UGT2B4: variants seen among roughly 807,000 people sequenced by gnomAD.
The protein encoded by UGT2B4 is UDP glucuronosyltransferase family 2 member B4.
A neutral mutation model predicts 49.8 loss-of-function variants in UGT2B4; 49 were observed. That is an observed-to-expected ratio of 0.98 (90% confidence interval 0.78 to 1.25). The LOEUF is 1.25. Among genes scored for constraint, UGT2B4 ranks in the 50% most tolerant of loss-of-function variants. The pLI is 0.00. For synonymous variants in UGT2B4, 246 were observed against 217.7 expected (o/e 1.13, Z -1.14); for missense variants, 729 against 627.7 (o/e 1.16, Z -1.73).
upstream of UGT2B4, among the ~76,000 whole-genome samples, chr4:69,500,668 A>AGAAAGAAG (rs1383264448): frequency 5.5e-4 from 61 of 110,276 alleles, no homozygotes; most frequent in African/African-American, 1.7e-3. Flanking sequence ...AAAGAAAGAA[A>AGAAAGAAG]GGAAGGAAAG....
chr4:69,522,899 C>T (rs28771795), intron 1 of UGT2B4, among the ~76,000 whole-genome samples: 53,399 of 151,956 alleles, frequency 0.35, 9,462 homozygotes, highest in Non-Finnish European at 0.37. Context: ...TTGTTGTCAT[C>T]TCAACAATGT....
chr4:69,519,869 T>C (rs889989566), intron 1 of UGT2B4, among the ~76,000 whole-genome samples: 5 of 152,220 alleles, frequency 3.3e-5, no homozygotes, highest in Non-Finnish European at 7.3e-5. Flanking sequence ...GCAGATTCAC[T>C]TGGCTAGATG....
At chr4:69,492,111 C>T (rs758179133) in intron 2 of UGT2B4, among the ~76,000 whole-genome samples, 3 of 151,882 alleles carry the variant, frequency 2.0e-5, no homozygotes, top group Admixed American at 6.6e-5. Flanking sequence ...ACTGAGGGCA[C>T]GATTCAGATA....
intron 1 of UGT2B4, among the ~76,000 whole-genome samples, chr4:69,508,905 C>T (rs1728540424): frequency 6.6e-6 from 1 of 152,226 alleles, no homozygotes; most frequent in Non-Finnish European, 1.5e-5. Flanking sequence ...ATAGCCACAA[C>T]ATTGTGCAGC....
At chr4:69,509,307 G>C (rs1728551937) in intron 1 of UGT2B4, among the ~76,000 whole-genome samples, 1 of 151,634 alleles carries the variant, frequency 6.6e-6, no homozygotes, top group Middle Eastern at 3.2e-3. Context: ...GAGTAGCTGG[G>C]ACTACAGGCG....
chr4:69,521,180 C>T (rs1431203931), intron 1 of UGT2B4, among the ~76,000 whole-genome samples: 2 of 152,218 alleles, frequency 1.3e-5, no homozygotes, highest in African/African-American at 4.8e-5. Context: ...GTACCTAATT[C>T]TTCCTGGACA....
intron 3 of UGT2B4, among the ~76,000 whole-genome samples, chr4:69,489,050 TCATTAAA>T (rs1272097112): frequency 6.6e-6 from 1 of 152,156 alleles, no homozygotes. Flanking sequence ...GTGAAGTTAC[TCATTAAA>T]ATGTAACGTT....
At chr4:69,496,304 C>T (rs963505002), upstream of UGT2B4, among the ~76,000 whole-genome samples, 1 of 152,120 alleles carries the variant, frequency 6.6e-6, no homozygotes, top group Non-Finnish European at 1.5e-5. Context: ...GGATTACAGG[C>T]GTGAGCCACC....
At chr4:69,482,321 T>C (rs1313092302) in intron 5 of UGT2B4, among the ~76,000 whole-genome samples, 17 of 152,210 alleles carry the variant, frequency 1.1e-4, no homozygotes, top group Non-Finnish European at 1.5e-5. Flanking sequence ...ACATTGTACG[T>C]CTTCTAAAAT....
intron 1 of UGT2B4, among the ~76,000 whole-genome samples, chr4:69,520,566 T>C (rs1007641569): frequency 6.6e-5 from 10 of 152,236 alleles, no homozygotes; most frequent in Non-Finnish European, 1.5e-5. Flanking sequence ...GGCTTCTCCT[T>C]ACTCCCGGAA....
intron 1 of UGT2B4, among the ~76,000 whole-genome samples, chr4:69,507,233 C>A (rs1196178739): frequency 1.3e-5 from 2 of 152,126 alleles, no homozygotes; most frequent in South Asian, 2.1e-4. Flanking sequence ...GGCCATCAGG[C>A]GAGCGAAAGA....
chr4:69,497,158 A>T (rs966044915), upstream of UGT2B4, among the ~76,000 whole-genome samples: 20 of 152,200 alleles, frequency 1.3e-4, no homozygotes, highest in African/African-American at 4.8e-4. Context: ...GTATTCCTTC[A>T]GGTCCAGCAT....
intron 5 of UGT2B4, among the ~76,000 whole-genome samples, chr4:69,481,314 CG>C (rs1727585540): frequency 6.6e-6 from 1 of 151,812 alleles, no homozygotes; most frequent in African/African-American, 2.4e-5. Flanking sequence ...ATCAAGTCCA[CG>C]AAAGGTTTTT....
At chr4:69,493,310 C>T (rs555086984) in intron 2 of UGT2B4, among the ~76,000 whole-genome samples, 1 of 152,154 alleles carries the variant, frequency 6.6e-6, no homozygotes, top group African/African-American at 2.4e-5. Context: ...GTTTTTATTA[C>T]TTGCATATAT....
Position 69,493,788 on chromosome 4 carries a change from G to T in UGT2B4, c.775C>A (p.Arg259=). The part of the protein sequence containing the change: ...TMAKADIWLI[R]NYWDFQFPHP... The stretch of plus-strand genomic sequence containing the variant: ...GGAAATTGAAAATCCCAGTAGTTTC[G>T]AATAAGCCATATGTCAGCTTTTGCC... Residue 259 remains arginine, a synonymous_variant, in exon 2 of 6, where the codon CGA becomes AGA. Coordinates refer to ENST00000305107, the MANE Select transcript of UGT2B4 (RefSeq NM_021139.3). The T allele has an allele frequency of 6.2e-7, 1 of 1,608,598 alleles. No homozygotes were observed. Among genetic ancestry groups the T allele is most frequent in the Non-Finnish European group, 8.5e-7 (1 of 1,177,672 alleles).
rs550930905 is a variant in UGT2B4, at chr4:69,516,634, T to C, written c.-106+9053A>G. ...ATGTATTTATTTATTTAAGACGGGG[T>C]CTTGCTCTGTTGCCCAGGCTGGAGT... On this transcript the variant is annotated intron_variant, in intron 1 of 1. Coordinates refer to the UGT2B4 transcript ENST00000510114. 8.5e-5 allele frequency among the ~76,000 whole-genome samples: 13 copies of C among 152,228 alleles called. No individual in the cohort carries two copies. The South Asian group carries it at 1.7e-3, about 19-fold the overall frequency.
intron 1 of UGT2B4, among the ~76,000 whole-genome samples, chr4:69,510,664 T>C (rs1240708121): frequency 2.0e-5 from 3 of 152,170 alleles, no homozygotes; most frequent in Admixed American, 6.6e-5. Flanking sequence ...CTGATTTTTG[T>C]ATGTTGATTT....
In UGT2B4 at chr4:69,489,576, A is replaced by G. The variant is rs775644863; in HGVS notation, c.871-6T>C. 3 of 1,594,530 alleles carry G rather than the reference A, an allele frequency of 1.9e-6. No homozygotes were observed. Among genetic ancestry groups the G allele is most frequent in the Non-Finnish European group, 2.6e-6 (3 of 1,173,794 alleles). On this transcript the variant is annotated splice_polypyrimidine_tract_variant and splice_region_variant and intron_variant, in intron 2 of 5. Coordinates refer to ENST00000305107, the MANE Select transcript of UGT2B4 (RefSeq NM_021139.3). ...TGGACAAACTCTTCCATTTCCTGTG[A>G]AAAAAAAGAATTTGTTCTATCATAA...
intron 1 of UGT2B4, among the ~76,000 whole-genome samples, chr4:69,516,257 A>AGAAT: frequency 6.6e-6 from 1 of 152,278 alleles, no homozygotes; most frequent in South Asian, 2.1e-4. Flanking sequence ...ATGAACATCC[A>AGAAT]TGTTTTGCCA....
Sources: gnomAD v4.1 joint callset for allele counts (sites outside exome capture counted in the v4.1 genomes callset) on GRCh38, gnomAD v4.1.1 for gene constraint, MANE v1.5 for transcripts, NCBI Gene and HGNC (gene_info 2026-07-23, HGNC 2026-07-21) for gene names.